Variants in KDM4C observed in about 807,000 individuals in gnomAD.
KDM4C encodes the protein lysine demethylase 4C, also known as lysine-specific demethylase 4C.
KDM4C carries 81 observed loss-of-function variants against 129.3 expected under a neutral mutation model. That is an observed-to-expected ratio of 0.63 (90% confidence interval 0.52 to 0.75). KDM4C has a LOEUF of 0.75. Ranked by LOEUF, KDM4C falls within the 30% of genes least tolerant of loss-of-function variation. The pLI is 0.00. For missense variants in KDM4C, 1,457 were observed against 1,304.0 expected, an observed-to-expected ratio of 1.12 and a Z score of -1.81; for synonymous variants, 573 against 456.1, an observed-to-expected ratio of 1.26 and a Z score of -3.26.
chr9:7,127,993 A>AT (rs1840201128), intron 18 of KDM4C, 73 bp from the exon 19 acceptor site: 3 of 1,226,372 alleles, frequency 2.4e-6, no homozygotes, highest in Non-Finnish European at 3.2e-6. Flanking sequence ...TCAAATGAAT[A>AT]TTTTTTATTT....
chr9:7,106,605 A>G (rs968434111), intron 18 of KDM4C, among the ~76,000 whole-genome samples: 4 of 152,172 alleles, frequency 2.6e-5, no homozygotes, highest in Admixed American at 2.0e-4. Context: ...TAAAGCATCC[A>G]AAAGGACCAT....
chr9:6,854,295 G>A (rs542095569), intron 5 of KDM4C, among the ~76,000 whole-genome samples: 3 of 152,002 alleles, frequency 2.0e-5, no homozygotes, highest in Non-Finnish European at 4.4e-5. Context: ...TTGGGAGGCC[G>A]AGGCGGGCGG....
chr9:7,019,063 A>T (rs572909189), intron 15 of KDM4C, among the ~76,000 whole-genome samples: 50 of 152,282 alleles, frequency 3.3e-4, no homozygotes, highest in African/African-American at 1.2e-3. Context: ...TACTTTTTCT[A>T]TGAAGCTCCC....
chr9:6,806,661 C>T (rs572116764), intron 3 of KDM4C, among the ~76,000 whole-genome samples: 27 of 152,160 alleles, frequency 1.8e-4, no homozygotes, highest in African/African-American at 6.3e-4. Flanking sequence ...GTCATCTGAG[C>T]ATTTAATTGT....
chr9:7,156,263 A>G (rs952036424), intron 19 of KDM4C, among the ~76,000 whole-genome samples: 2 of 152,178 alleles, frequency 1.3e-5, no homozygotes, highest in Non-Finnish European at 2.9e-5. Flanking sequence ...GCCCTTTGTC[A>G]GGTGGGTAGA....
intron 1 of KDM4C, chr9:6,748,850 T>C: frequency 9.2e-7 from 1 of 1,092,354 alleles, no homozygotes. Context: ...TGATACAGCC[T>C]TCTATCTGCA....
chr9:7,023,319 T>C (rs1422151215), intron 15 of KDM4C, among the ~76,000 whole-genome samples: 2 of 152,162 alleles, frequency 1.3e-5, no homozygotes, highest in Admixed American at 1.3e-4. Context: ...TCTCATTACT[T>C]GTTATTGGTC....
intron 8 of KDM4C, among the ~76,000 whole-genome samples, chr9:6,897,658 A>C (rs867965970): frequency 3.0e-4 from 46 of 152,282 alleles, no homozygotes; most frequent in African/African-American, 1.1e-3. Flanking sequence ...CTCCTGTGCT[A>C]CATGTGTGTA....
At chr9:7,050,919 G>A (rs7045476) in intron 17 of KDM4C, among the ~76,000 whole-genome samples, 18,750 of 152,166 alleles carry the variant, frequency 0.12, 1,505 homozygotes, top group African/African-American at 0.21. Flanking sequence ...TTTCCTCACA[G>A]TGCTGTGCTT....
chr9:6,825,036 C>T (rs577021966), intron 4 of KDM4C, among the ~76,000 whole-genome samples: 2 of 151,638 alleles, frequency 1.3e-5, no homozygotes, highest in South Asian at 4.2e-4. Context: ...GTCCCAGCTA[C>T]CCGAGAGGCA....
intron 17 of KDM4C, among the ~76,000 whole-genome samples, chr9:7,058,857 A>C (rs1487110661): frequency 1.2e-5 from 1 of 83,278 alleles, no homozygotes; most frequent in African/African-American, 4.1e-5. Flanking sequence ...TTTTTCATGC[A>C]ACCTTTTTTT....
In KDM4C at chr9:6,758,206, A is replaced by C; in HGVS notation, c.-18+3A>C. On this transcript the variant is annotated splice_donor_region_variant and intron_variant, in intron 1 of 21. Transcript: ENST00000381309. The surrounding 1 kb of genome is among the most constrained non-coding windows in gnomAD (Gnocchi z 4.6). ...TCTCGCCCCAACCCGCGCGCCAGGT[A>C]ACCGCTTTTCCGGAGTCTGGGGGCC... is the stretch of plus-strand genomic sequence containing the variant. 1.0e-6 allele frequency: 1 copy of C among 985,766 alleles called. No homozygotes were observed. The highest frequency in any genetic ancestry group is 4.7e-5 in the South Asian group (1 of 21,288). 61.1% of individuals were successfully genotyped at this position (985,766 alleles called of 1,614,324 possible).
intron 5 of KDM4C, among the ~76,000 whole-genome samples, chr9:6,866,434 G>T (rs536218470): frequency 3.3e-5 from 5 of 152,248 alleles, no homozygotes; most frequent in African/African-American, 1.2e-4. Context: ...CTAGCTAGGG[G>T]TTCATTCCCA....
At chr9:6,790,127 C>T (rs12115590) in intron 1 of KDM4C, among the ~76,000 whole-genome samples, 26,059 of 144,496 alleles carry the variant, frequency 0.18, 2,352 homozygotes, top group South Asian at 0.24. Context: ...AAAAATTGGC[C>T]GGGTGTGGTG....
chr9:6,909,475 A>G (rs1818892113), intron 8 of KDM4C, among the ~76,000 whole-genome samples: 1 of 152,214 alleles, frequency 6.6e-6, no homozygotes, highest in Non-Finnish European at 1.5e-5. Flanking sequence ...TGATTTTGTG[A>G]ACTCAAGCTA....
In KDM4C at chr9:6,839,027, C is replaced by A. The variant is rs558682011; in HGVS notation, c.436-10480C>A. On this transcript the variant is annotated intron_variant, in intron 4 of 21. Coordinates refer to ENST00000381309, the MANE Select transcript of KDM4C (RefSeq NM_015061.6). ...AATTTTATGTTATTTTTTCTCCATG[C>A]GTGTTACCTTTGAAACTTCAAGGGC... Among the ~76,000 whole-genome samples, 3 of 152,226 alleles carry A rather than the reference C, an allele frequency of 2.0e-5. No individual in the cohort carries two copies. In the South Asian group the frequency reaches 6.2e-4, roughly 32 times the overall value.
At chr9:6,829,552 G>A (rs1056802538) in intron 4 of KDM4C, among the ~76,000 whole-genome samples, 2 of 152,230 alleles carry the variant, frequency 1.3e-5, no homozygotes, top group South Asian at 4.1e-4. Flanking sequence ...CACATTGATA[G>A]ATAAGGAAGC....
chr9:7,052,898 A>AGAGAGAGAGAGAGCGAGAGAGT, intron 17 of KDM4C, among the ~76,000 whole-genome samples: 1 of 47,528 alleles, frequency 2.1e-5, no homozygotes. Flanking sequence ...AGAGAGAGAG[A>AGAGAGAGAGAGAGCGAGAGAGT]GAGCGAGCGA....
chr9:7,036,400 G>A (rs1357625705), intron 15 of KDM4C, among the ~76,000 whole-genome samples: 1 of 152,116 alleles, frequency 6.6e-6, no homozygotes, highest in Non-Finnish European at 1.5e-5. Context: ...TGTAAATGTT[G>A]TAAGCTCCAT....
Sources: gnomAD v4.1 joint callset for allele counts (sites outside exome capture counted in the v4.1 genomes callset) on GRCh38, gnomAD v4.1.1 for gene constraint, Gnocchi (gnomAD v3.1) non-coding constraint, MANE v1.5 for transcripts, NCBI Gene and HGNC (gene_info 2026-07-23, HGNC 2026-07-21) for gene names.